SHTN1: variants seen among roughly 807,000 people sequenced by gnomAD.
SHTN1 encodes shootin 1.
A neutral mutation model predicts 83.1 loss-of-function variants in SHTN1; 42 were observed. The observed-to-expected ratio is 0.51, with a 90% CI of 0.39 to 0.65. SHTN1 has a LOEUF of 0.65. Among genes scored for constraint, SHTN1 ranks in the 30% least tolerant of loss-of-function variants. SHTN1 has a pLI of 0.00. For missense variants in SHTN1, 622 were observed against 737.8 expected, an observed-to-expected ratio of 0.84 and a Z score of 1.82; for synonymous variants, 224 against 247.7, an observed-to-expected ratio of 0.90 and a Z score of 0.90.
intron 9 of SHTN1, among the ~76,000 whole-genome samples, chr10:116,933,039 C>A (rs1251494679): frequency 6.6e-6 from 1 of 152,100 alleles, no homozygotes; most frequent in African/African-American, 2.4e-5. Flanking sequence ...CATATGGGGA[C>A]AAAAGAAAGA....
At chr10:117,085,846 A>G (rs945322278) in intron 1 of SHTN1, among the ~76,000 whole-genome samples, 1 of 144,950 alleles carries the variant, frequency 6.9e-6, no homozygotes, top group Non-Finnish European at 1.5e-5. Flanking sequence ...TTGCAGATTG[A>G]CCCCTTTTAT....
In SHTN1 at chr10:116,983,633, CAGATAGAT is replaced by C. The variant is rs145452456; in HGVS notation, c.59-4333_59-4326del. Among the ~76,000 whole-genome samples the C allele has an allele frequency of 4.3e-3, 617 of 142,606 alleles. 4 individuals are homozygous for C. The highest frequency in any genetic ancestry group is 0.016 in the African/African-American group (573 of 36,894). The allele number at this position is 142,606 out of a possible 152,430, so 93.6% of individuals were successfully genotyped here. The stretch of plus-strand genomic sequence containing the variant: ...TATTCTGGGGTAGAGCCTGGGCATC[CAGATAGAT>C]AGATAGATAGATAGATAGATAGATA... On this transcript the variant is annotated intron_variant, in intron 1 of 16. Coordinates refer to ENST00000355371, the MANE Select transcript of SHTN1 (RefSeq NM_001127211.3).
At chr10:116,989,855 T>C (rs1417375235) in intron 1 of SHTN1, among the ~76,000 whole-genome samples, 1 of 152,240 alleles carries the variant, frequency 6.6e-6, no homozygotes, top group African/African-American at 2.4e-5. Context: ...TCATTTTGTC[T>C]TTTGTTACAG....
Position 116,886,349 on chromosome 10 carries a change from A to G in SHTN1, c.1891T>C (p.Cys631Arg). 1 of 1,553,080 alleles carries G rather than the reference A, an allele frequency of 6.4e-7. No individual in the cohort carries two copies. Among genetic ancestry groups the G allele is most frequent in the Non-Finnish European group, 8.7e-7 (1 of 1,147,422 alleles). Residue 631 changes from cysteine (C) to arginine (R), a missense_variant, in exon 17 of 17, where the codon TGC becomes CGC. Cys to Arg is a radical substitution (Grantham distance 180, BLOSUM62 -3). This residue lies in a region of SHTN1 where 231 missense variants were observed against 251.6 expected (regional missense o/e 0.92). Transcript: ENST00000355371. ...ENVRETDSSN[C>R] is the part of the protein sequence containing the mutation. ...TCAGGCTTCTGGTTTATGGATCAGC[A>G]GTTGGAGCTGTCTGTCTCTCTCACG...
chr10:117,070,868 G>T (rs1340440033), intron 1 of SHTN1, among the ~76,000 whole-genome samples: 1 of 151,848 alleles, frequency 6.6e-6, no homozygotes, highest in Non-Finnish European at 1.5e-5. Context: ...CACTCAGGGG[G>T]CATTAAACCC....
chr10:116,926,756 G>T (rs935204594), intron 11 of SHTN1, among the ~76,000 whole-genome samples: 2 of 151,388 alleles, frequency 1.3e-5, no homozygotes, highest in African/African-American at 4.8e-5. Flanking sequence ...AATGCCATTT[G>T]TTAAAGAATA....
At chr10:116,986,805 T>C (rs1851235940) in intron 1 of SHTN1, among the ~76,000 whole-genome samples, 1 of 144,232 alleles carries the variant, frequency 6.9e-6, no homozygotes, top group Admixed American at 7.3e-5. Context: ...CTCGGCTCAC[T>C]GCAACTTCTG....
intron 1 of SHTN1, among the ~76,000 whole-genome samples, chr10:117,094,604 A>G (rs1564957496): frequency 6.6e-6 from 1 of 152,160 alleles, no homozygotes; most frequent in East Asian, 1.9e-4. Flanking sequence ...ATTGCTTAAC[A>G]CCCTGGTAAG....
chr10:117,101,531 A>T (rs886659539), intron 1 of SHTN1, among the ~76,000 whole-genome samples: 9 of 152,312 alleles, frequency 5.9e-5, no homozygotes, highest in Non-Finnish European at 1.2e-4. Context: ...TTGATTCTTA[A>T]TTCTGAGAAA....
chr10:116,921,098 G>A (rs931112675), intron 12 of SHTN1, among the ~76,000 whole-genome samples: 1 of 152,124 alleles, frequency 6.6e-6, no homozygotes, highest in African/African-American at 2.4e-5. Context: ...GCTTGATAAA[G>A]TCCCAGGTCA....
intron 1 of SHTN1, among the ~76,000 whole-genome samples, chr10:117,090,821 A>AAG (rs1853421161): frequency 1.0e-5 from 1 of 100,180 alleles, no homozygotes; most frequent in African/African-American, 3.8e-5. Context: ...AAGGAAGGAA[A>AAG]GGAGGGAGGG....
At chr10:117,120,832 C>CA (rs1853913079) in intron 1 of SHTN1, among the ~76,000 whole-genome samples, 1 of 143,262 alleles carries the variant, frequency 7.0e-6, no homozygotes, top group Admixed American at 7.1e-5. Flanking sequence ...TTTTTTGAGA[C>CA]AGAGTCTTGC....
chr10:116,969,980 A>G (rs1850549003), intron 2 of SHTN1, among the ~76,000 whole-genome samples: 1 of 152,216 alleles, frequency 6.6e-6, no homozygotes, highest in African/African-American at 2.4e-5. Context: ...TTTAAATTAT[A>G]TTTGATTGCT....
In SHTN1 at chr10:117,031,394, A is replaced by G. The variant is rs183823467; in HGVS notation, c.-123+17051T>C. ...AGAAAGAAAAGTATGTTAATGAGCA[A>G]TAAGAAATCCTCTGAAGGTACAAAA... On this transcript the variant is annotated intron_variant, in intron 2 of 17. Coordinates refer to the SHTN1 transcript ENST00000392901. Among the ~76,000 whole-genome samples the G allele has an allele frequency of 3.3e-3, 503 of 152,350 alleles. 2 individuals are homozygous for G. The highest frequency in any genetic ancestry group is 0.011 in the African/African-American group (448 of 41,596).
At chr10:117,007,635 G>A (rs1471525522), upstream of SHTN1, among the ~76,000 whole-genome samples, 5 of 150,902 alleles carry the variant, frequency 3.3e-5, no homozygotes, top group Non-Finnish European at 7.4e-5. Context: ...TTATTAGGAG[G>A]GCTATTAGAG....
chr10:116,993,232 G>C (rs1473193134), intron 1 of SHTN1, among the ~76,000 whole-genome samples: 2 of 151,864 alleles, frequency 1.3e-5, no homozygotes, highest in Admixed American at 1.3e-4. Context: ...AGCCAGGATG[G>C]TCTCGATCTC....
At chr10:116,911,093 A>G (rs1333332423) in intron 14 of SHTN1, among the ~76,000 whole-genome samples, 1 of 152,226 alleles carries the variant, frequency 6.6e-6, no homozygotes, top group Admixed American at 6.5e-5. Flanking sequence ...TGGGACCGTA[A>G]CAGGATCTGA....
intron 4 of SHTN1, among the ~76,000 whole-genome samples, chr10:116,955,299 G>C (rs1849945332): frequency 6.6e-6 from 1 of 152,048 alleles, no homozygotes; most frequent in Non-Finnish European, 1.5e-5. Context: ...GTACAATATG[G>C]TTTTGCTCAT....
intron 1 of SHTN1, among the ~76,000 whole-genome samples, chr10:116,994,107 A>C (rs1851543825): frequency 6.6e-6 from 1 of 152,128 alleles, no homozygotes; most frequent in African/African-American, 2.4e-5. Context: ...AATTAAGGCT[A>C]CTAGAAATAA....
Sources: allele counts gnomAD v4.1 joint callset (sites outside exome capture counted in the v4.1 genomes callset), GRCh38; gene constraint gnomAD v4.1.1; regional missense constraint gnomAD v4.1.1; transcripts MANE v1.5; gene names NCBI Gene and HGNC (gene_info 2026-07-23, HGNC 2026-07-21).